PLA2R1: variants seen among roughly 807,000 people sequenced by gnomAD.
PLA2R1 encodes secretory phospholipase A2 receptor.
Under a neutral mutation model 195.9 loss-of-function variants are expected in PLA2R1, and 158 were observed. The ratio of observed to expected loss-of-function variants is 0.81; its 90% CI spans 0.71 to 0.92. The LOEUF (loss-of-function observed/expected upper bound fraction) is 0.92, where lower values mean the gene tolerates loss of function less well. Ranked by LOEUF, PLA2R1 falls within the 40% of genes least tolerant of loss-of-function variation. The probability of loss-of-function intolerance (pLI) is 0.00; values close to 1 mark genes in which losing one functional copy is unlikely to be tolerated. For synonymous variants in PLA2R1, 586 were observed against 598.2 expected (o/e 0.98, Z 0.30); for missense variants, 1,626 against 1,764.6 (o/e 0.92, Z 1.41).
intron 9 of PLA2R1, 140 bp downstream of exon 9, chr2:160,016,474 G>C (rs78021622): frequency 0.062 from 36,691 of 592,046 alleles, 2,289 homozygotes; most frequent in East Asian, 0.23. Flanking sequence ...GGAAAGAAGG[G>C]GGGGGTGCGA....
At chr2:160,008,720 C>T (rs999761321) in intron 10 of PLA2R1, among the ~76,000 whole-genome samples, 5 of 152,150 alleles carry the variant, frequency 3.3e-5, no homozygotes, top group African/African-American at 7.2e-5. Flanking sequence ...AAATTAAAAA[C>T]TTTGCACATC....
chr2:160,062,192 C>A (rs561021983), intron 1 of PLA2R1, 103 bp downstream of exon 1: 3 of 943,108 alleles, frequency 3.2e-6, no homozygotes, highest in African/African-American at 3.5e-5. Flanking sequence ...GCCGCCCTTG[C>A]CCGCCAGCTT....
intron 14 of PLA2R1, 84 bp downstream of exon 14, chr2:159,979,746 T>C: frequency 1.4e-6 from 1 of 701,356 alleles, no homozygotes; most frequent in Non-Finnish European, 2.5e-6. Flanking sequence ...CCATCATTTC[T>C]AGGTTCTCTT....
rs140574961 is a variant in PLA2R1 at position 159,961,942 on chromosome 2, C to A, written c.2905-5315G>T. On this transcript the variant is annotated intron_variant, in intron 20 of 29. Transcript: ENST00000283243. ...ATCCTCTTTTAATCCTAGAAGAAAA[C>A]CTGGGCAATACCATTCAGGACATAG... Among the ~76,000 whole-genome samples, 286 of 152,252 alleles carry A rather than the reference C, an allele frequency of 1.9e-3. 1 individual carries two copies. Among genetic ancestry groups the A allele is most frequent in the Middle Eastern group, 3.4e-3 (1 of 294 alleles).
rs886825250 is a variant in PLA2R1 at position 159,940,438 on chromosome 2, G to C, written c.*1340C>G. 2.6e-5 allele frequency: 4 copies of C among 152,184 alleles called. No homozygotes were observed. Among genetic ancestry groups the C allele is most frequent in the African/African-American group, 9.7e-5 (4 of 41,436 alleles). 9.4% of individuals were successfully genotyped at this position (152,184 alleles called of 1,614,324 possible). A position where few individuals can be genotyped will look rare whatever the true frequency, so the allele number is the denominator to read the frequency against. On this transcript the variant is annotated 3_prime_UTR_variant, in exon 30 of 30. Transcript: ENST00000283243. ...AGGTGGGGTCTCATTCAGTTGCCCA[G>C]GCAGGAGTGCAGTGGTGCAACCATA...
chr2:160,041,455 G>A (rs1694513787), intron 3 of PLA2R1, among the ~76,000 whole-genome samples: 1 of 152,110 alleles, frequency 6.6e-6, no homozygotes, highest in African/African-American at 2.4e-5. Context: ...TGAAAATCAA[G>A]TTAAGAAAAG....
At chr2:160,062,143 A>G in intron 1 of PLA2R1, 152 bp downstream of exon 1, 4 of 554,954 alleles carry the variant, frequency 7.2e-6, no homozygotes, top group Non-Finnish European at 9.4e-6. Context: ...CGCTCCCCCC[A>G]TGCTCAGGAC....
intron 9 of PLA2R1, among the ~76,000 whole-genome samples, chr2:160,014,581 A>G (rs555950673): frequency 6.6e-6 from 1 of 152,164 alleles, no homozygotes; most frequent in Non-Finnish European, 1.5e-5. Context: ...AACACTCTTC[A>G]TTTTATGCTA....
chr2:159,924,996 G>A, the PLA2R1 span, among the ~76,000 whole-genome samples: 3 of 152,120 alleles, frequency 2.0e-5, no homozygotes, highest in South Asian at 2.1e-4. Context: ...TGGGCAATAC[G>A]ATGTGGATAA....
downstream of PLA2R1, among the ~76,000 whole-genome samples, chr2:159,930,509 A>G (rs1191098499): frequency 6.6e-6 from 1 of 152,102 alleles, no homozygotes; most frequent in Non-Finnish European, 1.5e-5. Flanking sequence ...TTACTCATGT[A>G]ACCAAACACC....
chr2:160,062,030 C>G (rs1421761434), intron 1 of PLA2R1, among the ~76,000 whole-genome samples: 2 of 152,126 alleles, frequency 1.3e-5, no homozygotes, highest in East Asian at 3.9e-4. Context: ...CCTGCGAGAC[C>G]AAGCCCCCCC....
intron 1 of PLA2R1, among the ~76,000 whole-genome samples, chr2:160,048,838 A>AT (rs1205003993): frequency 0.14 from 17,408 of 127,796 alleles, 1,707 homozygotes; most frequent in East Asian, 0.34. Flanking sequence ...TAGAAGAAAC[A>AT]TTTTTTTTTT....
At chr2:159,978,104 G>A (rs1275768394) in intron 14 of PLA2R1, among the ~76,000 whole-genome samples, 1 of 152,036 alleles carries the variant, frequency 6.6e-6, no homozygotes, top group African/African-American at 2.4e-5. Context: ...CCAGATCTTG[G>A]TATTAACTTT....
At chr2:160,001,890 AATTG>A (rs1487929134) in intron 11 of PLA2R1, among the ~76,000 whole-genome samples, 1 of 151,688 alleles carries the variant, frequency 6.6e-6, no homozygotes, top group African/African-American at 2.4e-5. Context: ...CACTCTCAAT[AATTG>A]ATTGATCACG....
rs1468181744 is a variant in PLA2R1, at chr2:159,940,954, AG to A, written c.*823del. 2 of 152,174 alleles carry A rather than the reference AG, an allele frequency of 1.3e-5. No homozygotes were observed. Among genetic ancestry groups the A allele is most frequent in the African/African-American group, 4.8e-5 (2 of 41,456 alleles). The allele number at this position is 152,174 out of a possible 1,614,324, so 9.4% of individuals were successfully genotyped here. On this transcript the variant is annotated 3_prime_UTR_variant, in exon 30 of 30. Transcript: ENST00000283243. ...GTGTTACATATTATTTTATATATTT[AG>A]TTTTTCAGAAAGTCCATGAGTTTTA... is the stretch of plus-strand genomic sequence containing the variant.
chr2:159,947,631 A>G, intron 25 of PLA2R1, 72 bp from the exon 26 acceptor site: 1 of 1,344,376 alleles, frequency 7.4e-7, no homozygotes, highest in South Asian at 1.3e-5. Context: ...ATTACATTAC[A>G]TTCTATAAAA....
chr2:159,993,136 T>C (rs975535882), intron 11 of PLA2R1, among the ~76,000 whole-genome samples: 1 of 152,126 alleles, frequency 6.6e-6, no homozygotes, highest in African/African-American at 2.4e-5. Context: ...ACAAAGTACA[T>C]TTTAGTTTCT....
At chr2:159,951,250 T>A (rs1417895109) in intron 24 of PLA2R1, 90 bp downstream of exon 24, 1 of 744,882 alleles carries the variant, frequency 1.3e-6, no homozygotes, top group Non-Finnish European at 2.3e-6. Context: ...GGATCTTTTT[T>A]TCAGTGCTAA....
chr2:160,046,782 T>G (rs1041275817), intron 1 of PLA2R1, among the ~76,000 whole-genome samples: 1 of 152,074 alleles, frequency 6.6e-6, no homozygotes, highest in East Asian at 1.9e-4. Flanking sequence ...ATCAGGAAAT[T>G]TGTTTTCCTA....
Sources: gnomAD v4.1 joint callset for allele counts (sites outside exome capture counted in the v4.1 genomes callset) on GRCh38, gnomAD v4.1.1 for gene constraint, MANE v1.5 for transcripts, NCBI Gene and HGNC (gene_info 2026-07-23, HGNC 2026-07-21) for gene names.